Variants in PTPRT observed in about 807,000 individuals in gnomAD.
PTPRT encodes receptor-type tyrosine-protein phosphatase T.
PTPRT carries 56 observed loss-of-function variants against 176.8 expected under a neutral mutation model. The ratio of observed to expected loss-of-function variants is 0.32; its 90% CI spans 0.26 to 0.40. PTPRT has a LOEUF of 0.40. Among genes scored for constraint, PTPRT ranks in the 10% least tolerant of loss-of-function variants. The pLI is 1.00. For missense variants in PTPRT, 1,540 were observed against 1,908.2 expected (o/e 0.81, Z 3.60); for synonymous variants, 783 against 739.0 (o/e 1.06, Z -0.96).
At position 42,073,264 on chromosome 20, in the gene PTPRT, G is replaced by T. The variant is rs1031419930; in HGVS notation, c.*7615C>A. 5.3e-6 allele frequency: 1 copy of T among 189,594 alleles called. No individual in the cohort carries two copies. The highest frequency in any genetic ancestry group is 1.1e-5 in the Non-Finnish European group (1 of 89,940). The allele number at this position is 189,594 out of a possible 1,614,324, so 11.7% of individuals were successfully genotyped here. A position where few individuals can be genotyped will look rare whatever the true frequency, so the allele number is the denominator to read the frequency against. Reference sequence around the variant, plus strand: ...GTAGAGGCCACAACTCTTTGTCTTTGATTGGCTAGTAGAATGTAGGGTGAA... The same window carrying T: ...GTAGAGGCCACAACTCTTTGTCTTTTATTGGCTAGTAGAATGTAGGGTGAA... On this transcript the variant is annotated 3_prime_UTR_variant, in exon 31 of 31. Transcript: ENST00000373187.
rs116021626 is a variant in PTPRT, at chr20:42,919,606, C to T, written c.89-33674G>A. Among the ~76,000 whole-genome samples, 720 of 152,320 alleles carry T rather than the reference C, an allele frequency of 4.7e-3. 3 individuals are homozygous for T. Among genetic ancestry groups the T allele is most frequent in the African/African-American group, 0.016 (667 of 41,570 alleles). On this transcript the variant is annotated intron_variant, in intron 1 of 30. Coordinates refer to ENST00000373187, the MANE Select transcript of PTPRT (RefSeq NM_007050.6). ...TTTGCAGCACAGACTATGTGCCAAG[C>T]CTGTGCCAAGTGTTTTGCAAATATT...
intron 1 of PTPRT, among the ~76,000 whole-genome samples, chr20:43,023,352 G>A (rs1238779950): frequency 6.6e-6 from 1 of 152,166 alleles, no homozygotes; most frequent in African/African-American, 2.4e-5. Context: ...TGCTGTTCTG[G>A]CACTGGCTGT....
intron 6 of PTPRT, among the ~76,000 whole-genome samples, chr20:42,704,473 T>C (rs776357547): frequency 1.3e-5 from 2 of 152,014 alleles, no homozygotes; most frequent in Admixed American, 6.6e-5. Context: ...TGATACAGAA[T>C]TCTTTCCATA....
chr20:43,108,052 T>C (rs2012695752), intron 1 of PTPRT, among the ~76,000 whole-genome samples: 1 of 152,300 alleles, frequency 6.6e-6, no homozygotes, highest in Middle Eastern at 3.4e-3. Context: ...CCCATCTCCA[T>C]TTCTTCTACA....
At chr20:42,852,008 A>G (rs1443633052) in intron 2 of PTPRT, among the ~76,000 whole-genome samples, 1 of 152,170 alleles carries the variant, frequency 6.6e-6, no homozygotes, top group Non-Finnish European at 1.5e-5. Flanking sequence ...TCATTATCTT[A>G]TTTTGTATTC....
chr20:42,650,276 C>G (rs1600549097), intron 7 of PTPRT, among the ~76,000 whole-genome samples: 1 of 152,120 alleles, frequency 6.6e-6, no homozygotes, highest in East Asian at 1.9e-4. Context: ...AATACCCTGT[C>G]CACTACTTCC....
At chr20:42,693,891 C>T (rs1345545096) in intron 6 of PTPRT, among the ~76,000 whole-genome samples, 2 of 152,130 alleles carry the variant, frequency 1.3e-5, no homozygotes, top group African/African-American at 4.8e-5. Flanking sequence ...CCCACCTCAT[C>T]ATTCATCCCT....
chr20:42,802,906 C>A (rs7343976), intron 2 of PTPRT, among the ~76,000 whole-genome samples: 19,215 of 152,186 alleles, frequency 0.13, 1,405 homozygotes, highest in East Asian at 0.35. Context: ...GTGATGATGG[C>A]AAAAGTTGTA....
At chr20:42,508,973 T>C (rs940884545) in intron 7 of PTPRT, among the ~76,000 whole-genome samples, 5 of 133,326 alleles carry the variant, frequency 3.8e-5, no homozygotes, top group East Asian at 4.4e-4. Context: ...AGATATAAAT[T>C]ATATAATTTA....
chr20:42,209,566 T>C (rs991909966), intron 15 of PTPRT, among the ~76,000 whole-genome samples: 1 of 152,110 alleles, frequency 6.6e-6, no homozygotes, highest in African/African-American at 2.4e-5. Flanking sequence ...ATAAATTCCT[T>C]GACACATACA....
At chr20:43,007,452 C>T (rs1351882989) in intron 1 of PTPRT, among the ~76,000 whole-genome samples, 3 of 152,164 alleles carry the variant, frequency 2.0e-5, no homozygotes, top group African/African-American at 4.8e-5. Flanking sequence ...CTTTCAATAA[C>T]TTTGATATGT....
At chr20:42,201,651 G>T (rs1476181830) in intron 15 of PTPRT, among the ~76,000 whole-genome samples, 2 of 149,000 alleles carry the variant, frequency 1.3e-5, no homozygotes, top group Non-Finnish European at 3.0e-5. Context: ...TGAAAAGGAG[G>T]TACCCTGAAC....
At chr20:42,624,198 G>C (rs527287322) in intron 7 of PTPRT, among the ~76,000 whole-genome samples, 3 of 152,140 alleles carry the variant, frequency 2.0e-5, no homozygotes, top group Middle Eastern at 3.4e-3. Context: ...GGGAAACAAG[G>C]CATTATTTAT....
intron 2 of PTPRT, among the ~76,000 whole-genome samples, chr20:42,843,344 G>C (rs539604840): frequency 4.1e-4 from 62 of 152,274 alleles, no homozygotes; most frequent in African/African-American, 1.4e-3. Flanking sequence ...CAGTTCCCTT[G>C]GGGAATTTTG....
chr20:42,211,005 G>A (rs952457265), intron 15 of PTPRT, among the ~76,000 whole-genome samples: 2 of 152,036 alleles, frequency 1.3e-5, no homozygotes, highest in East Asian at 1.9e-4. Flanking sequence ...ATCTACAACT[G>A]TCTGATCTTT....
intron 2 of PTPRT, among the ~76,000 whole-genome samples, chr20:42,843,463 CAG>C (rs1470829071): frequency 2.0e-5 from 3 of 152,186 alleles, no homozygotes; most frequent in Non-Finnish European, 2.9e-5. Context: ...TTTTGGGAAA[CAG>C]AGTCTCCAGA....
At chr20:43,026,693 T>A (rs987370659) in intron 1 of PTPRT, among the ~76,000 whole-genome samples, 3 of 152,214 alleles carry the variant, frequency 2.0e-5, no homozygotes, top group Admixed American at 2.0e-4. Flanking sequence ...TTATTCATTC[T>A]ATTTTTTGTG....
chr20:43,022,995 C>G (rs1463735436), intron 1 of PTPRT, among the ~76,000 whole-genome samples: 1 of 152,206 alleles, frequency 6.6e-6, no homozygotes, highest in Non-Finnish European at 1.5e-5. Context: ...GGGGCAAAGG[C>G]CCTCATAGCA....
At chr20:42,453,669 C>A (rs1256836396) in intron 8 of PTPRT, among the ~76,000 whole-genome samples, 2 of 112,018 alleles carry the variant, frequency 1.8e-5, no homozygotes, top group African/African-American at 4.5e-5. Context: ...TTTTCTTTTT[C>A]TTTTCTTTTT....
Sources: allele counts gnomAD v4.1 joint callset (sites outside exome capture counted in the v4.1 genomes callset), GRCh38; gene constraint gnomAD v4.1.1; transcripts MANE v1.5; gene names NCBI Gene and HGNC (gene_info 2026-07-23, HGNC 2026-07-21).